The following RAPGEF2 variants were observed in gnomAD, a reference collection of about 807,000 sequenced individuals.
RAPGEF2 encodes Rap guanine nucleotide exchange factor 2.
RAPGEF2 carries 54 observed loss-of-function variants against 186.7 expected under a neutral mutation model. The ratio of observed to expected loss-of-function variants is 0.29; its 90% CI spans 0.23 to 0.36. The LOEUF (loss-of-function observed/expected upper bound fraction) is 0.36. Among genes scored for constraint, RAPGEF2 ranks in the 10% least tolerant of loss-of-function variants. The pLI, the probability that RAPGEF2 is intolerant of heterozygous loss-of-function variation, is 1.00. For missense variants in RAPGEF2, 1,532 were observed against 2,045.0 expected (o/e 0.75, Z 4.84); for synonymous variants, 712 against 705.9 (o/e 1.01, Z -0.14).
At chr4:159,297,501 T>C (rs1762164511) in intron 7 of RAPGEF2, among the ~76,000 whole-genome samples, 1 of 152,188 alleles carries the variant, frequency 6.6e-6, no homozygotes. Context: ...TATTTTATTA[T>C]AAAAGAGAGT....
chr4:159,231,667 C>T (rs867602727), intron 4 of RAPGEF2, among the ~76,000 whole-genome samples: 8 of 152,034 alleles, frequency 5.3e-5, no homozygotes, highest in African/African-American at 1.7e-4. Flanking sequence ...ACAGAATGCT[C>T]CAAAACTTGA....
At chr4:159,154,496 T>G (rs548126371) in intron 1 of RAPGEF2, among the ~76,000 whole-genome samples, 1 of 143,626 alleles carries the variant, frequency 7.0e-6, no homozygotes, top group East Asian at 2.0e-4. Context: ...CTCCTTCCAC[T>G]CACATCACCT....
At chr4:159,155,346 T>G (rs1744002579) in intron 1 of RAPGEF2, among the ~76,000 whole-genome samples, 1 of 152,224 alleles carries the variant, frequency 6.6e-6, no homozygotes, top group South Asian at 2.1e-4. Flanking sequence ...CTCGTCCTTG[T>G]TTTGACAAGA....
intron 4 of RAPGEF2, among the ~76,000 whole-genome samples, chr4:159,229,127 G>A (rs73859108): frequency 8.9e-4 from 135 of 152,078 alleles, no homozygotes; most frequent in African/African-American, 2.9e-3. Flanking sequence ...TCTGGAAACA[G>A]GGGTGTGAAA....
intron 7 of RAPGEF2, among the ~76,000 whole-genome samples, chr4:159,261,238 A>AT (rs766594356): frequency 3.3e-5 from 5 of 151,254 alleles, no homozygotes; most frequent in Non-Finnish European, 7.4e-5. Context: ...TTTTTTTTGT[A>AT]TTTTTAGTAG....
intron 1 of RAPGEF2, among the ~76,000 whole-genome samples, chr4:159,106,993 A>T (rs1422477432): frequency 6.6e-6 from 1 of 152,174 alleles, no homozygotes; most frequent in East Asian, 1.9e-4. Context: ...AAAAATTATC[A>T]TCTAAGTTTT....
rs115774493 is a variant in RAPGEF2, at chr4:159,204,312, A to T, written c.198-6188A>T. ...GTTTTTGAGCCATCTCTTAAGGTAC[A>T]GTGGGATGTAGAGGGTAGATGGAGA... On this transcript the variant is annotated intron_variant, in intron 3 of 29. Transcript: ENST00000691494. Among the ~76,000 whole-genome samples, 1,270 of 152,312 alleles carry T rather than the reference A, an allele frequency of 8.3e-3. 13 individuals are homozygous for T. Among genetic ancestry groups the T allele is most frequent in the African/African-American group, 0.028 (1,168 of 41,564 alleles).
At chr4:159,200,682 G>A (rs1749307768) in intron 3 of RAPGEF2, among the ~76,000 whole-genome samples, 1 of 151,938 alleles carries the variant, frequency 6.6e-6, no homozygotes, top group East Asian at 1.9e-4. Context: ...GACTTTTCCT[G>A]TTTTGTTGGT....
At chr4:159,112,050 A>C (rs1738552931) in intron 1 of RAPGEF2, among the ~76,000 whole-genome samples, 1 of 152,194 alleles carries the variant, frequency 6.6e-6, no homozygotes, top group Non-Finnish European at 1.5e-5. Context: ...TCATTTCAAA[A>C]ATGTTATTAA....
intron 2 of RAPGEF2, among the ~76,000 whole-genome samples, chr4:159,188,471 C>G (rs542316616): frequency 3.7e-4 from 56 of 151,848 alleles, no homozygotes; most frequent in Non-Finnish European, 7.5e-4. Flanking sequence ...CAACACTAGC[C>G]TGGCCAACGT....
chr4:159,150,162 ATAGT>A (rs752185164), intron 1 of RAPGEF2, among the ~76,000 whole-genome samples: 16 of 139,978 alleles, frequency 1.1e-4, no homozygotes, highest in Non-Finnish European at 2.1e-4. Context: ...TATAAACAAA[ATAGT>A]TAATTTTGTT....
At chr4:159,108,407 A>G (rs1489308783) in intron 1 of RAPGEF2, among the ~76,000 whole-genome samples, 1 of 109,336 alleles carries the variant, frequency 9.1e-6, no homozygotes, top group Admixed American at 1.0e-4. Context: ...TTTTTTTTTT[A>G]AGGAGAAGAT....
rs181293155 is a variant in RAPGEF2, at chr4:159,231,593, G to T, written c.282-7216G>T. Among the ~76,000 whole-genome samples the T allele has an allele frequency of 5.6e-3, 845 of 152,148 alleles. 5 individuals carry two copies. The highest frequency in any genetic ancestry group is 9.4e-3 in the Non-Finnish European group (642 of 67,966). ...GGGAAAGAAAAATGTTCATATAATT[G>T]ACTCTTCTAAACTTTGATTTAAAAT... On this transcript the variant is annotated intron_variant, in intron 4 of 29. Coordinates refer to ENST00000691494, the MANE Select transcript of RAPGEF2 (RefSeq NM_001394067.2).
At chr4:159,286,644 C>G (rs1166356044) in intron 7 of RAPGEF2, among the ~76,000 whole-genome samples, 2 of 152,152 alleles carry the variant, frequency 1.3e-5, no homozygotes, top group Non-Finnish European at 2.9e-5. Flanking sequence ...CACTCTGCTT[C>G]CATTGCTTTG....
At position 159,161,849 on chromosome 4, in the gene RAPGEF2, G is replaced by A. The variant is rs1462557319; in HGVS notation, c.70-24793G>A. Among the ~76,000 whole-genome samples the A allele has an allele frequency of 2.0e-5, 3 of 152,196 alleles. No individual in the cohort carries two copies. The East Asian group carries it at 5.8e-4, about 29-fold the overall frequency. ...GTTTGATGCATAAACCAAGGATGGT[G>A]ATACCTTTCAAGAATCTAACTGGTG... is the stretch of plus-strand genomic sequence containing the variant. On this transcript the variant is annotated intron_variant, in intron 1 of 29. Coordinates refer to ENST00000691494, the MANE Select transcript of RAPGEF2 (RefSeq NM_001394067.2).
At chr4:159,248,840 G>A (rs1415252017) in intron 7 of RAPGEF2, among the ~76,000 whole-genome samples, 1 of 152,194 alleles carries the variant, frequency 6.6e-6, no homozygotes, top group Non-Finnish European at 1.5e-5. Flanking sequence ...GGTATGCAGT[G>A]TGCTGTTTAC....
At position 159,355,878 on chromosome 4, in the gene RAPGEF2, G is replaced by GCGCCC; in HGVS notation, c.4678_4679insGCCCC (p.Pro1560ArgfsTer67). The GCGCCC allele has an allele frequency of 3.3e-6, 5 of 1,515,854 alleles. No individual in the cohort carries two copies. Among genetic ancestry groups the GCGCCC allele is most frequent in the Non-Finnish European group, 4.5e-6 (5 of 1,117,988 alleles). 93.9% of individuals were successfully genotyped at this position (1,515,854 alleles called of 1,614,324 possible). ...CACGAAAGGAGGGCAGGTATCGAGA[G>GCGCCC]CCCCCGCCCACCCCTCCCGGCTACA... is the stretch of plus-strand genomic sequence containing the variant. On this transcript the variant is annotated frameshift_variant, in exon 29 of 30. Coordinates refer to ENST00000691494, the MANE Select transcript of RAPGEF2 (RefSeq NM_001394067.2). LOFTEE classifies it high-confidence loss of function.
At chr4:159,134,836 T>A (rs549223054) in intron 1 of RAPGEF2, among the ~76,000 whole-genome samples, 20 of 152,284 alleles carry the variant, frequency 1.3e-4, no homozygotes, top group Admixed American at 1.3e-3. Flanking sequence ...TTTATCAACC[T>A]CAAAAAGAAA....
chr4:159,115,865 G>A (rs1738993062), intron 1 of RAPGEF2, among the ~76,000 whole-genome samples: 1 of 152,118 alleles, frequency 6.6e-6, no homozygotes, highest in South Asian at 2.1e-4. Context: ...AAATGGTGCT[G>A]GGAAAACTGG....
Sources: gnomAD v4.1 joint callset for allele counts (sites outside exome capture counted in the v4.1 genomes callset) on GRCh38, gnomAD v4.1.1 for gene constraint, MANE v1.5 for transcripts, NCBI Gene and HGNC (gene_info 2026-07-23, HGNC 2026-07-21) for gene names.